ABHD4: variants seen among roughly 807,000 people sequenced by gnomAD.
ABHD4 encodes the protein abhydrolase domain containing 4, N-acyl phospholipase B, also known as (Lyso)-N-acylphosphatidylethanolamine lipase.
ABHD4 carries 35 observed loss-of-function variants against 42.3 expected under a neutral mutation model. The ratio of observed to expected loss-of-function variants is 0.83; its 90% CI spans 0.63 to 1.10. The LOEUF (loss-of-function observed/expected upper bound fraction) is 1.10. Among genes scored for constraint, ABHD4 ranks in the 50% least tolerant of loss-of-function variants. The pLI, the probability that ABHD4 is intolerant of heterozygous loss-of-function variation, is 0.00. For synonymous variants in ABHD4, 169 were observed against 170.6 expected, an observed-to-expected ratio of 0.99 and a Z score of 0.07; for missense variants, 389 against 454.8, an observed-to-expected ratio of 0.86 and a Z score of 1.32.
Position 22,603,942 on chromosome 14 carries a change from T to C in ABHD4, c.503T>C (p.Leu168Pro). The change falls in exon 4 of 7, where the codon CTG (leucine) becomes CCG (proline). Residue 168 changes from leucine (L) to proline (P), a missense_variant. By Grantham distance (98) the Leu-to-Pro change is moderately conservative (BLOSUM62 -3). Coordinates refer to ENST00000428304, the MANE Select transcript of ABHD4 (RefSeq NM_022060.3). Reference protein sequence around the residue: ...KYPDRVKHLILVDPWGFPLRP... With the variant: ...KYPDRVKHLIPVDPWGFPLRP... ...TAACATAGAGTTAAACACCTCATCC[T>C]GGTGGACCCATGGGGCTTTCCCCTC... 1 of 1,614,240 alleles carries C rather than the reference T, an allele frequency of 6.2e-7. No homozygotes were observed. Among genetic ancestry groups the C allele is most frequent in the Non-Finnish European group, 8.5e-7 (1 of 1,180,040 alleles).
chr14:22,610,072 T>C (rs1037607457), intron 6 of ABHD4, among the ~76,000 whole-genome samples, 162 bp downstream of exon 6: 5 of 151,830 alleles, frequency 3.3e-5, no homozygotes, highest in African/African-American at 9.7e-5. Flanking sequence ...TCTTTTTTTT[T>C]TCGTGATGGA....
intron 3 of ABHD4, 43 bp downstream of exon 3, chr14:22,603,805 C>A: frequency 3.2e-6 from 5 of 1,567,160 alleles, no homozygotes; most frequent in Non-Finnish European, 4.3e-6. Context: ...TAATTCCTGG[C>A]CTTACTGGGA....
rs1380924499 is a variant in ABHD4, at chr14:22,609,870, A to T, written c.899A>T (p.Lys300Met). 1 of 1,614,022 alleles carries T rather than the reference A, an allele frequency of 6.2e-7. No homozygotes were observed. Among genetic ancestry groups the T allele is most frequent in the Middle Eastern group, 1.6e-4 (1 of 6,062 alleles). The change falls in exon 6 of 7, where the codon AAG (lysine) becomes ATG (methionine). Residue 300 changes from lysine (K) to methionine (M), a missense_variant. Lys to Met is a moderately conservative substitution (Grantham distance 95). Around this residue, in one of 3 missense-constraint regions of ABHD4, gnomAD observed 249 missense variants for 254.4 expected, o/e 0.98. Transcript: ENST00000428304. ...TGGATAGATACCAGTACGGGAAAAA[A>T]GGTGAAGATGCAGCGGCCGGATTCC... ...DTWIDTSTGK[K>M]VKMQRPDSYV...
chr14:22,600,636 G>A (rs987578193), intron 1 of ABHD4, among the ~76,000 whole-genome samples: 8 of 152,148 alleles, frequency 5.3e-5, no homozygotes, highest in Admixed American at 5.2e-4. Flanking sequence ...TGTAACTCAG[G>A]CAGAGTTCAA....
rs1017852132 is a variant in ABHD4 at position 22,606,445 on chromosome 14, C to A, written c.664C>A (p.Arg222=). 5 of 1,612,814 alleles carry A rather than the reference C, an allele frequency of 3.1e-6. No homozygotes were observed. The highest frequency in any genetic ancestry group is 4.2e-6 in the Non-Finnish European group (5 of 1,179,648). The part of the protein sequence containing the change: ...PWGPGLVQRF[R]PDFKRKFADF... Reference sequence around the variant, plus strand: ...AGGGCCTGGTCTGGTGCAGCGATTCCGGCCGGACTTCAAACGCAAGTTTGC... The same window carrying A: ...AGGGCCTGGTCTGGTGCAGCGATTCAGGCCGGACTTCAAACGCAAGTTTGC... Residue 222 remains arginine (R), a synonymous_variant, in exon 5 of 7, where the codon CGG becomes AGG. Transcript: ENST00000428304.
chr14:22,608,693 T>C (rs1450216092), intron 5 of ABHD4, among the ~76,000 whole-genome samples: 3 of 152,164 alleles, frequency 2.0e-5, no homozygotes, highest in East Asian at 1.9e-4. Flanking sequence ...TTTTAAGTTG[T>C]TTTTTGTTTG....
At chr14:22,606,147 CG>C (rs1271946985) in intron 4 of ABHD4, among the ~76,000 whole-genome samples, 1 of 152,074 alleles carries the variant, frequency 6.6e-6, no homozygotes, top group Admixed American at 6.6e-5. Flanking sequence ...GGAAAGATCT[CG>C]GGGCTTCATT....
chr14:22,608,658 C>T (rs1398745728), intron 5 of ABHD4, among the ~76,000 whole-genome samples: 1 of 152,210 alleles, frequency 6.6e-6, no homozygotes, highest in Non-Finnish European at 1.5e-5. Flanking sequence ...TAGCACTCGA[C>T]CACCTTTTCA....
intron 5 of ABHD4, among the ~76,000 whole-genome samples, chr14:22,608,558 A>C (rs1353840481): frequency 6.6e-6 from 1 of 152,172 alleles, no homozygotes; most frequent in African/African-American, 2.4e-5. Context: ...TTTTACTACT[A>C]TAGTACTCAC....
In ABHD4 at chr14:22,610,257, A is replaced by G. The variant is rs554472321; in HGVS notation, c.939+347A>G. On this transcript the variant is annotated intron_variant, in intron 6 of 6. Transcript: ENST00000428304. The stretch of plus-strand genomic sequence containing the variant: ...TTTTTAGTAGAGACGAGGTTTCTCC[A>G]TGTTGGTCAGGCTGGTCTCGAACTC... 5.3e-5 allele frequency among the ~76,000 whole-genome samples: 8 copies of G among 152,246 alleles called. No individual in the cohort carries two copies. In the South Asian group the frequency reaches 1.2e-3, roughly 24 times the overall value.
chr14:22,603,788 C>T (rs774581556), intron 3 of ABHD4, 26 bp downstream of exon 3: 6 of 1,564,296 alleles, frequency 3.8e-6, no homozygotes, highest in South Asian at 2.4e-5. Flanking sequence ...CTCCATCCCT[C>T]GTGACCTAAT....
chr14:22,606,736 A>T (rs2037354285), intron 5 of ABHD4, among the ~76,000 whole-genome samples: 2 of 152,292 alleles, frequency 1.3e-5, no homozygotes, highest in African/African-American at 4.8e-5. Flanking sequence ...GATTAATTAA[A>T]CATGCTGCCC....
intron 1 of ABHD4, chr14:22,598,550 C>T (rs1282431249): frequency 4.4e-6 from 6 of 1,354,022 alleles, no homozygotes; most frequent in East Asian, 2.5e-5. Context: ...TCGCCCGCAG[C>T]CCGGGGATCC....
intron 1 of ABHD4, among the ~76,000 whole-genome samples, chr14:22,601,096 C>T (rs564888331): frequency 1.6e-4 from 25 of 152,298 alleles, no homozygotes; most frequent in African/African-American, 5.8e-4. Flanking sequence ...TCTCTCACCT[C>T]CTCCTCCCTG....
intron 1 of ABHD4, chr14:22,599,999 A>G (rs557871434): frequency 3.3e-6 from 1 of 302,526 alleles, no homozygotes; most frequent in Admixed American, 4.3e-5. Flanking sequence ...GGGAATGTAG[A>G]CAACTTATGA....
At chr14:22,600,949 G>A (rs1324157766) in intron 1 of ABHD4, among the ~76,000 whole-genome samples, 1 of 151,752 alleles carries the variant, frequency 6.6e-6, no homozygotes, top group Non-Finnish European at 1.5e-5. Context: ...GGAGAAAACG[G>A]GATGAGTTAT....
In ABHD4 at chr14:22,598,349, TTC is replaced by T. The variant is rs1327926765; in HGVS notation, c.23+26_23+27del. On this transcript the variant is annotated intron_variant, in intron 1 of 6. Transcript: ENST00000428304. ...GCAGCAGTGAGTTAATCCTGTCCCT[TTC>T]TCTCTTTCTCTCTCTCTCTCTGGGC... 1.3e-6 allele frequency: 2 copies of T among 1,551,298 alleles called. No individual in the cohort carries two copies. Among genetic ancestry groups the T allele is most frequent in the Admixed American group, 2.0e-5 (1 of 50,980 alleles).
rs1321730511 is a variant in ABHD4 at position 22,612,347 on chromosome 14, C to T, written c.*1399C>T. ...CTCCTTTTCTATATTAATAAAGAAA[C>T]GAGTAAAAATTACCGGTGGGGATGA... is the stretch of plus-strand genomic sequence containing the variant. On this transcript the variant is annotated 3_prime_UTR_variant, in exon 7 of 7. Coordinates refer to ENST00000428304, the MANE Select transcript of ABHD4 (RefSeq NM_022060.3). 1 of 152,560 alleles carries T rather than the reference C, an allele frequency of 6.6e-6. No homozygotes were observed. Among genetic ancestry groups the T allele is most frequent in the Non-Finnish European group, 1.5e-5 (1 of 68,066 alleles). The allele number at this position is 152,560 out of a possible 1,614,324, so 9.5% of individuals were successfully genotyped here.
At chr14:22,609,955 A>G (rs1451347286) in intron 6 of ABHD4, 45 bp downstream of exon 6, 4 of 1,588,394 alleles carry the variant, frequency 2.5e-6, no homozygotes, top group East Asian at 2.2e-5. Flanking sequence ...CTGAGAGTCA[A>G]TCACCTCTCA....
Sources: gnomAD v4.1 joint callset for allele counts (sites outside exome capture counted in the v4.1 genomes callset) on GRCh38, gnomAD v4.1.1 for gene constraint, gnomAD v4.1.1 regional missense constraint, MANE v1.5 for transcripts, NCBI Gene and HGNC (gene_info 2026-07-23, HGNC 2026-07-21) for gene names.